The following DSCAML1 variants were observed in gnomAD, a reference collection of about 807,000 sequenced individuals.
DSCAML1 encodes the protein cell adhesion molecule DSCAML1.
A neutral mutation model predicts 200.5 loss-of-function variants in DSCAML1; 38 were observed. The ratio of observed to expected loss-of-function variants is 0.19; its 90% CI spans 0.15 to 0.25. The LOEUF is 0.25. Ranked by LOEUF, DSCAML1 falls within the 10% of genes least tolerant of loss-of-function variation. DSCAML1 has a pLI of 1.00. For synonymous variants in DSCAML1, 1,215 were observed against 1,165.0 expected (o/e 1.04, Z -0.87); for missense variants, 2,223 against 2,858.8 (o/e 0.78, Z 5.07).
At chr11:117,450,386 A>G (rs2048262237) in intron 20 of DSCAML1, among the ~76,000 whole-genome samples, 163 bp downstream of exon 20, 1 of 152,254 alleles carries the variant, frequency 6.6e-6, no homozygotes, top group Non-Finnish European at 1.5e-5. Flanking sequence ...ACACTGAGTA[A>G]GGCTTCGGCC....
At chr11:117,636,632 C>A (rs2052291563) in intron 3 of DSCAML1, among the ~76,000 whole-genome samples, 3 of 152,166 alleles carry the variant, frequency 2.0e-5, no homozygotes, top group African/African-American at 7.2e-5. Flanking sequence ...CTGAAACCCC[C>A]AACCCCTTAA....
chr11:117,474,946 G>A (rs978347814), intron 14 of DSCAML1, among the ~76,000 whole-genome samples: 3 of 151,810 alleles, frequency 2.0e-5, no homozygotes, highest in South Asian at 2.1e-4. Flanking sequence ...TAGTAGAGAT[G>A]GGGTTTCACC....
chr11:117,654,623 T>C (rs925795452), intron 3 of DSCAML1, among the ~76,000 whole-genome samples: 1 of 152,078 alleles, frequency 6.6e-6, no homozygotes, highest in East Asian at 1.9e-4. Context: ...ATGGGCAAGA[T>C]TTACTGCCGA....
intron 1 of DSCAML1, among the ~76,000 whole-genome samples, chr11:117,803,446 G>GT (rs1244419127): frequency 1.3e-5 from 2 of 152,014 alleles, no homozygotes; most frequent in African/African-American, 4.8e-5. Flanking sequence ...GCATTTGTCA[G>GT]TTTTTTCAAG....
chr11:117,666,399 A>G (rs541789180), intron 3 of DSCAML1, among the ~76,000 whole-genome samples: 91 of 152,320 alleles, frequency 6.0e-4, no homozygotes, highest in African/African-American at 2.0e-3. Flanking sequence ...TCTAATAGTC[A>G]GACGCCTACA....
chr11:117,752,016 C>A (rs2054613575), intron 3 of DSCAML1, among the ~76,000 whole-genome samples: 1 of 151,098 alleles, frequency 6.6e-6, no homozygotes. Context: ...TATTTAACAC[C>A]ACCAATTCAC....
At chr11:117,658,739 C>T (rs543937045) in intron 3 of DSCAML1, among the ~76,000 whole-genome samples, 15 of 152,234 alleles carry the variant, frequency 9.9e-5, no homozygotes, top group Admixed American at 3.9e-4. Context: ...TTTTGAGTGG[C>T]GAAGATTCTC....
chr11:117,536,282 G>A (rs1294992731), intron 3 of DSCAML1, among the ~76,000 whole-genome samples: 3 of 152,150 alleles, frequency 2.0e-5, no homozygotes, highest in Admixed American at 1.3e-4. Context: ...GAGAGCGGAG[G>A]GAGGCCCGGC....
At chr11:117,510,050 C>T (rs2049588215) in intron 8 of DSCAML1, among the ~76,000 whole-genome samples, 1 of 152,240 alleles carries the variant, frequency 6.6e-6, no homozygotes, top group Non-Finnish European at 1.5e-5. Context: ...GCTGAGAAGA[C>T]ACAGTGGTCG....
chr11:117,460,693 G>A (rs2048462722), intron 18 of DSCAML1, among the ~76,000 whole-genome samples: 1 of 152,118 alleles, frequency 6.6e-6, no homozygotes, highest in South Asian at 2.1e-4. Context: ...ATTCCAGGGC[G>A]AGGAAGACAT....
chr11:117,815,243 C>A (rs1185765904), intron 1 of DSCAML1, among the ~76,000 whole-genome samples: 1 of 152,210 alleles, frequency 6.6e-6, no homozygotes, highest in East Asian at 1.9e-4. Flanking sequence ...TCTCCCCTTA[C>A]CCCTTCCCCT....
chr11:117,652,497 C>A (rs2052654311), intron 3 of DSCAML1, among the ~76,000 whole-genome samples: 1 of 152,324 alleles, frequency 6.6e-6, no homozygotes, highest in Non-Finnish European at 1.5e-5. Flanking sequence ...GGATGCAAGA[C>A]CTGCTCCACC....
At position 117,433,556 on chromosome 11, in the gene DSCAML1, G is replaced by A. The variant is rs558478955; in HGVS notation, c.4877-85C>T. ...ATGGGAGAGGCATGGGAAACAAGGT[G>A]GAGAATTCCTTAAAATGGGGCCAGG... On this transcript the variant is annotated intron_variant, in intron 27 of 32. Transcript: ENST00000651296. The A allele has an allele frequency of 2.6e-5, 39 of 1,479,156 alleles. 1 individual carries two copies. The South Asian group carries it at 3.5e-4, about 13-fold the overall frequency. 91.6% of individuals were successfully genotyped at this position (1,479,156 alleles called of 1,614,324 possible).
chr11:117,640,419 G>T (rs1291653873), intron 3 of DSCAML1, among the ~76,000 whole-genome samples: 2 of 152,198 alleles, frequency 1.3e-5, no homozygotes, highest in Admixed American at 1.3e-4. Context: ...TTACTTTAGA[G>T]ATGGGGTAAA....
upstream of DSCAML1, among the ~76,000 whole-genome samples, chr11:117,797,698 A>G (rs941156277): frequency 2.0e-5 from 3 of 150,714 alleles, no homozygotes; most frequent in African/African-American, 4.9e-5. Flanking sequence ...TGCCCTTCCA[A>G]CCCCTCGTGA....
At chr11:117,601,047 A>G (rs913740093) in intron 3 of DSCAML1, among the ~76,000 whole-genome samples, 2 of 152,196 alleles carry the variant, frequency 1.3e-5, no homozygotes, top group South Asian at 2.1e-4. Flanking sequence ...CTTGAAAAGT[A>G]TTAAAAGCCA....
chr11:117,518,646 C>G lies in DSCAML1; in HGVS notation c.1330G>C (p.Asp444His). ...APPPTVTWAL[D>H]DEPIVRDGSH... ...CCATCCCGCACGATGGGCTCATCGTCGAGGGCCCAGGTGACCGTGGGGGGC... is the reference window on the plus strand; with the variant it reads ...CCATCCCGCACGATGGGCTCATCGTGGAGGGCCCAGGTGACCGTGGGGGGC... The change falls in exon 7 of 33, where the codon GAC becomes CAC. Residue 444 changes from aspartate to histidine, a missense_variant. Around this residue, in one of 7 missense-constraint regions of DSCAML1, gnomAD observed 579 missense variants for 721.5 expected, o/e 0.80. Transcript: ENST00000651296. This position sits in a 1 kb window ranked among gnomAD's most constrained non-coding sequence, Gnocchi z 6.3. The G allele has an allele frequency of 6.2e-7, 1 of 1,613,380 alleles. No individual in the cohort carries two copies.
chr11:117,475,232 A>T lies in DSCAML1; in HGVS notation c.2786-3196T>A, dbSNP rs376500703. Among the ~76,000 whole-genome samples, 15 of 152,212 alleles carry T rather than the reference A, an allele frequency of 9.9e-5. No homozygotes were observed. In the East Asian group the frequency reaches 1.9e-3, roughly 20 times the overall value. On this transcript the variant is annotated intron_variant, in intron 14 of 32. Transcript: ENST00000651296. ...TGCGGCCATTGTCCACTCTACAAAT[A>T]CAATCGAGCTCCTCTTACAGGTGAG...
chr11:117,490,093 C>T (rs1209174421), intron 11 of DSCAML1, among the ~76,000 whole-genome samples: 1 of 152,132 alleles, frequency 6.6e-6, no homozygotes, highest in South Asian at 2.1e-4. Flanking sequence ...GCAGGCACCC[C>T]TCAAAGAGGA....
Sources: gnomAD v4.1 joint callset for allele counts (sites outside exome capture counted in the v4.1 genomes callset) on GRCh38, gnomAD v4.1.1 for gene constraint, gnomAD v4.1.1 regional missense constraint, Gnocchi (gnomAD v3.1) non-coding constraint, MANE v1.5 for transcripts, NCBI Gene and HGNC (gene_info 2026-07-23, HGNC 2026-07-21) for gene names.